The following GPC3 variants were observed in gnomAD, a reference collection of about 807,000 sequenced individuals.
The protein encoded by GPC3 is glypican 3, also known as glypican-3.
Under a neutral mutation model 34.4 loss-of-function variants are expected in GPC3, and 3 were observed. The ratio of observed to expected loss-of-function variants is 0.09; its 90% CI spans 0.04 to 0.23. GPC3 has a LOEUF of 0.23. Among genes scored for constraint, GPC3 ranks in the 10% least tolerant of loss-of-function variants. The pLI is 1.00. For missense variants in GPC3, 351 were observed against 445.6 expected, an observed-to-expected ratio of 0.79 and a Z score of 1.91; for synonymous variants, 177 against 174.0, an observed-to-expected ratio of 1.02 and a Z score of -0.13.
intron 1 of GPC3, among the ~76,000 whole-genome samples, chrX:133,954,474 A>C (rs1230121156): frequency 1.8e-5 from 2 of 110,947 alleles, no homozygotes; most frequent in Non-Finnish European, 3.8e-5. Flanking sequence ...TCCTGGGTTC[A>C]AGCGATTCTC....
intron 3 of GPC3, among the ~76,000 whole-genome samples, chrX:133,735,504 T>C (rs1271394870): frequency 9.0e-6 from 1 of 111,683 alleles, no homozygotes; most frequent in African/African-American, 3.3e-5. Context: ...TCTATAAAAT[T>C]CTTAGAAGAA....
rs3216446 is a variant in GPC3 at position 133,764,263 on chromosome X, AC to A, written c.338-10088del. ...AAGATGGTAAGAATAGAAACTGGGA[AC>A]TACAGGGGTGGGGGTTTAAAAATTA... On this transcript the variant is annotated intron_variant, in intron 2 of 7. Transcript: ENST00000370818. Among the ~76,000 whole-genome samples the A allele has an allele frequency of 5.0e-3, 552 of 111,413 alleles. 19 individuals are homozygous for A. The East Asian group carries it at 0.11, about 22-fold the overall frequency.
intron 2 of GPC3, among the ~76,000 whole-genome samples, chrX:133,881,324 A>G (rs964261020): frequency 8.9e-6 from 1 of 111,978 alleles, no homozygotes; most frequent in African/African-American, 3.2e-5. Flanking sequence ...TAAATGAGAA[A>G]AAAATCCACC....
chrX:133,981,040 T>A (rs923082881), intron 1 of GPC3, among the ~76,000 whole-genome samples: 2 of 112,614 alleles, frequency 1.8e-5, no homozygotes, highest in African/African-American at 3.2e-5. Context: ...TCTTCTTATG[T>A]CTGTATTTCC....
intron 2 of GPC3, among the ~76,000 whole-genome samples, chrX:133,764,304 T>C (rs188078681): frequency 9.0e-6 from 1 of 111,418 alleles, no homozygotes; most frequent in East Asian, 2.8e-4. Context: ...CTGGATACCA[T>C]GCTTCATACG....
intron 2 of GPC3, among the ~76,000 whole-genome samples, chrX:133,846,566 T>G (rs1009867085): frequency 2.7e-5 from 3 of 111,755 alleles, no homozygotes; most frequent in African/African-American, 9.7e-5. Flanking sequence ...ATAAATTTAT[T>G]ATACTGAACT....
chrX:133,626,533 A>G (rs1036825351), intron 6 of GPC3, among the ~76,000 whole-genome samples: 3 of 111,077 alleles, frequency 2.7e-5, no homozygotes, highest in African/African-American at 9.8e-5. Flanking sequence ...TCAAAAGAAG[A>G]CAGTTATGCA....
At chrX:133,697,094 A>G (rs1673255570) in intron 4 of GPC3, among the ~76,000 whole-genome samples, 1 of 112,333 alleles carries the variant, frequency 8.9e-6, no homozygotes, top group Non-Finnish European at 1.9e-5. Flanking sequence ...TCTTGCAATG[A>G]TTTGCTTGGG....
intron 6 of GPC3, among the ~76,000 whole-genome samples, chrX:133,639,939 G>A (rs2070465378): frequency 9.0e-6 from 1 of 111,070 alleles, no homozygotes; most frequent in Admixed American, 9.6e-5. Flanking sequence ...GAGTGCAAAT[G>A]GAATCTGACA....
chrX:133,903,365 C>T (rs779954644), intron 2 of GPC3, among the ~76,000 whole-genome samples: 2 of 111,218 alleles, frequency 1.8e-5, no homozygotes, highest in African/African-American at 6.5e-5. Flanking sequence ...GTGCCTGGAT[C>T]ACCTGAGGCT....
chrX:133,979,858 A>T (rs2076531401), intron 1 of GPC3, among the ~76,000 whole-genome samples: 1 of 111,827 alleles, frequency 8.9e-6, no homozygotes, highest in African/African-American at 3.3e-5. Context: ...ACTGTCCCTT[A>T]GATCGCAGAT....
intron 2 of GPC3, among the ~76,000 whole-genome samples, chrX:133,929,526 C>G (rs1444715434): frequency 8.9e-6 from 1 of 111,790 alleles, no homozygotes; most frequent in Non-Finnish European, 1.9e-5. Flanking sequence ...TTTCCTTGCT[C>G]CATACAAGAC....
intron 3 of GPC3, among the ~76,000 whole-genome samples, chrX:133,738,271 C>T (rs942217170): frequency 8.9e-6 from 1 of 112,088 alleles, no homozygotes; most frequent in African/African-American, 3.2e-5. Context: ...GCCTGTGATT[C>T]ACCTTTCATC....
chrX:133,815,129 G>C (rs2075683968), intron 2 of GPC3, among the ~76,000 whole-genome samples: 1 of 108,579 alleles, frequency 9.2e-6, no homozygotes, highest in African/African-American at 3.4e-5. Context: ...TCACAGGGAG[G>C]GGGAAGCAGG....
intron 3 of GPC3, among the ~76,000 whole-genome samples, chrX:133,742,095 G>A (rs989388653): frequency 4.4e-5 from 5 of 112,565 alleles, no homozygotes; most frequent in African/African-American, 1.6e-4. Flanking sequence ...TAGAGAACTA[G>A]TAGAAGCAGA....
chrX:133,770,270 T>C (rs899199406), intron 2 of GPC3, among the ~76,000 whole-genome samples: 2 of 110,463 alleles, frequency 1.8e-5, no homozygotes, highest in Non-Finnish European at 3.8e-5. Flanking sequence ...AGGAAGACCC[T>C]GTCAAAAAAA....
At chrX:133,641,303 C>G (rs1235090086) in intron 6 of GPC3, among the ~76,000 whole-genome samples, 2 of 109,536 alleles carry the variant, frequency 1.8e-5, no homozygotes, top group African/African-American at 6.6e-5. Flanking sequence ...TGGCGAAACC[C>G]CGTGTCTACT....
At chrX:133,766,130 C>A (rs2071842137) in intron 2 of GPC3, among the ~76,000 whole-genome samples, 1 of 111,826 alleles carries the variant, frequency 8.9e-6, no homozygotes, top group Non-Finnish European at 1.9e-5. Flanking sequence ...GTGTCCAATA[C>A]AAATTTCAAC....
intron 2 of GPC3, among the ~76,000 whole-genome samples, chrX:133,916,244 C>T (rs979991289): frequency 1.8e-4 from 20 of 108,761 alleles, no homozygotes; most frequent in Admixed American, 2.9e-4. Flanking sequence ...CATAATAATA[C>T]GGAAAAAATG....
Sources: gnomAD v4.1 joint callset for allele counts (sites outside exome capture counted in the v4.1 genomes callset) on GRCh38, gnomAD v4.1.1 for gene constraint, MANE v1.5 for transcripts, NCBI Gene and HGNC (gene_info 2026-07-23, HGNC 2026-07-21) for gene names.